The following FOXN3 variants were observed in gnomAD, a reference collection of about 807,000 sequenced individuals.
FOXN3 encodes forkhead box N3.
Under a neutral mutation model 38.4 loss-of-function variants are expected in FOXN3, and 7 were observed. The ratio of observed to expected loss-of-function variants is 0.18; its 90% CI spans 0.10 to 0.34. The LOEUF is 0.34. FOXN3 is among the 10% of genes least tolerant of loss of function. The pLI is 1.00. For synonymous variants in FOXN3, 230 were observed against 242.2 expected, an observed-to-expected ratio of 0.95 and a Z score of 0.47; for missense variants, 456 against 613.4, an observed-to-expected ratio of 0.74 and a Z score of 2.71.
intron 1 of FOXN3, among the ~76,000 whole-genome samples, chr14:89,435,411 C>A (rs1596272348): frequency 6.6e-6 from 1 of 151,906 alleles, no homozygotes; most frequent in East Asian, 1.9e-4. Context: ...AATACCCCCA[C>A]AGGCCCTCAG....
At chr14:89,182,948 A>C (rs558062742) in intron 4 of FOXN3, among the ~76,000 whole-genome samples, 3 of 152,230 alleles carry the variant, frequency 2.0e-5, no homozygotes, top group Admixed American at 1.3e-4. Flanking sequence ...CTCATACCAC[A>C]TATAAAAATT....
At chr14:89,253,694 T>C (rs1426181538) in intron 4 of FOXN3, among the ~76,000 whole-genome samples, 1 of 152,114 alleles carries the variant, frequency 6.6e-6, no homozygotes, top group Admixed American at 6.5e-5. Context: ...TCTAAGGCCT[T>C]CTAATAAATC....
chr14:89,526,397 A>T (rs1027877122), intron 1 of FOXN3, among the ~76,000 whole-genome samples: 2 of 152,188 alleles, frequency 1.3e-5, no homozygotes, highest in Admixed American at 6.5e-5. Flanking sequence ...TAGAACTAGT[A>T]AGTGAGTTCA....
rs138480483 is a variant in FOXN3, at chr14:89,241,781, C to T, written c.745+39169G>A. On this transcript the variant is annotated intron_variant, in intron 4 of 5. Transcript: ENST00000557258. ...CCTGGAGAAGCATGAGAAGTTGCCA[C>T]TGGAGGCTAGATAAGAATCTGGAGT... Among the ~76,000 whole-genome samples the T allele has an allele frequency of 5.0e-3, 768 of 152,290 alleles. 8 individuals carry two copies. Among genetic ancestry groups the T allele is most frequent in the African/African-American group, 0.018 (731 of 41,552 alleles).
intron 1 of FOXN3, among the ~76,000 whole-genome samples, chr14:89,472,469 C>T (rs907089856): frequency 3.3e-5 from 5 of 152,106 alleles, no homozygotes; most frequent in African/African-American, 1.2e-4. Flanking sequence ...GCCTGTAATC[C>T]CAGCACTTTG....
At chr14:89,463,714 A>G (rs1377292214) in intron 1 of FOXN3, among the ~76,000 whole-genome samples, 1 of 151,836 alleles carries the variant, frequency 6.6e-6, no homozygotes, top group Non-Finnish European at 1.5e-5. Context: ...ATAAGTTACT[A>G]GGGCTCCCCC....
At chr14:89,513,858 T>C (rs1894146800) in intron 1 of FOXN3, among the ~76,000 whole-genome samples, 1 of 152,050 alleles carries the variant, frequency 6.6e-6, no homozygotes, top group South Asian at 2.1e-4. Context: ...CCCTATCCAC[T>C]GTTACACCAA....
At position 89,258,140 on chromosome 14, in the gene FOXN3, C is replaced by T. The variant is rs1261369357; in HGVS notation, c.745+22810G>A. The stretch of plus-strand genomic sequence containing the variant: ...CATGGTGGGCCAGTGCTCTGAGAGG[C>T]AGCAACACCCTGGAGCAGTGGTGTT... On this transcript the variant is annotated intron_variant, in intron 4 of 5. Transcript: ENST00000557258. Among the ~76,000 whole-genome samples, 4 of 152,182 alleles carry T rather than the reference C, an allele frequency of 2.6e-5. No homozygotes were observed. In the East Asian group the frequency reaches 7.7e-4, roughly 29 times the overall value.
At chr14:89,551,117 A>G (rs1894997989) in intron 1 of FOXN3, among the ~76,000 whole-genome samples, 2 of 152,210 alleles carry the variant, frequency 1.3e-5, no homozygotes. Context: ...TAGAGGTTTA[A>G]GCTTTAAGAC....
In FOXN3 at chr14:89,455,563, G is replaced by A. The variant is rs544559272; in HGVS notation, c.-14-43073C>T. 6.6e-4 allele frequency among the ~76,000 whole-genome samples: 100 copies of A among 152,256 alleles called. 1 individual carries two copies. The highest frequency in any genetic ancestry group is 1.9e-3 in the African/African-American group (80 of 41,548). ...CAGCCACTGGAGTAACGCCGAGGGC[G>A]CCCACTGGATTAACAACCAGCTGAG... On this transcript the variant is annotated intron_variant, in intron 1 of 6. Transcript: ENST00000345097.
chr14:89,555,872 T>TGTGTGGGG (rs1426537962), intron 1 of FOXN3, among the ~76,000 whole-genome samples: 3 of 122,296 alleles, frequency 2.5e-5, no homozygotes, highest in Non-Finnish European at 5.4e-5. Context: ...TGTGTGTGTG[T>TGTGTGGGG]GTGTATGTGG....
intron 1 of FOXN3, among the ~76,000 whole-genome samples, chr14:89,505,520 G>A (rs1364404813): frequency 5.5e-4 from 83 of 152,092 alleles, no homozygotes; most frequent in African/African-American, 1.8e-3. Flanking sequence ...CGAGTGATCC[G>A]CCAGCCTCGG....
At chr14:89,275,548 C>T (rs1886273258) in intron 4 of FOXN3, among the ~76,000 whole-genome samples, 1 of 152,194 alleles carries the variant, frequency 6.6e-6, no homozygotes, top group Non-Finnish European at 1.5e-5. Flanking sequence ...ATCCAGTGTT[C>T]CTTCCACTAT....
chr14:89,457,184 A>C (rs1284627756), intron 1 of FOXN3, among the ~76,000 whole-genome samples: 1 of 152,188 alleles, frequency 6.6e-6, no homozygotes, highest in Non-Finnish European at 1.5e-5. Context: ...CTCTCCATGC[A>C]AGCAGCTTTA....
intron 1 of FOXN3, among the ~76,000 whole-genome samples, chr14:89,415,847 T>TACATACACACACACACACACAC (rs1284424954): frequency 7.1e-6 from 1 of 140,510 alleles, no homozygotes; most frequent in African/African-American, 2.7e-5. Context: ...AACTTTTCTC[T>TACATACACACACACACACACAC]ACACACACAC....
At chr14:89,449,109 C>T (rs772313046) in intron 1 of FOXN3, among the ~76,000 whole-genome samples, 4 of 152,186 alleles carry the variant, frequency 2.6e-5, no homozygotes, top group Non-Finnish European at 5.9e-5. Flanking sequence ...AATTAAAGCA[C>T]AAAAATCTTT....
intron 4 of FOXN3, among the ~76,000 whole-genome samples, chr14:89,226,380 C>T (rs989164498): frequency 6.6e-6 from 1 of 152,036 alleles, no homozygotes; most frequent in Admixed American, 6.6e-5. Flanking sequence ...CATGTACCAC[C>T]ATGCCCAGAC....
chr14:89,481,575 G>T (rs1272339983), intron 1 of FOXN3, among the ~76,000 whole-genome samples: 2 of 152,160 alleles, frequency 1.3e-5, no homozygotes, highest in Non-Finnish European at 2.9e-5. Context: ...CAGCCCCATG[G>T]AGGGCTTAAG....
At chr14:89,183,176 T>G (rs182989683) in intron 4 of FOXN3, among the ~76,000 whole-genome samples, 2 of 152,296 alleles carry the variant, frequency 1.3e-5, no homozygotes, top group African/African-American at 4.8e-5. Flanking sequence ...GTTTCCATAA[T>G]TGTGGTGTAC....
Sources: gnomAD v4.1 joint callset for allele counts (sites outside exome capture counted in the v4.1 genomes callset) on GRCh38, gnomAD v4.1.1 for gene constraint, MANE v1.5 for transcripts, NCBI Gene and HGNC (gene_info 2026-07-23, HGNC 2026-07-21) for gene names.